MEF2A: variants seen among roughly 807,000 people sequenced by gnomAD.
MEF2A encodes myocyte-specific enhancer factor 2A.
Under a neutral mutation model 55.8 loss-of-function variants are expected in MEF2A, and 28 were observed. The ratio of observed to expected loss-of-function variants is 0.50; its 90% CI spans 0.37 to 0.69. MEF2A has a LOEUF of 0.69. Ranked by LOEUF, MEF2A falls within the 30% of genes least tolerant of loss-of-function variation. MEF2A has a pLI of 0.00. For synonymous variants in MEF2A, 239 were observed against 227.1 expected, an observed-to-expected ratio of 1.05 and a Z score of -0.47; for missense variants, 528 against 626.2, an observed-to-expected ratio of 0.84 and a Z score of 1.67.
intron 1 of MEF2A, among the ~76,000 whole-genome samples, chr15:99,587,902 A>G (rs969787743): frequency 1.3e-5 from 2 of 151,824 alleles, no homozygotes; most frequent in Non-Finnish European, 2.9e-5. Context: ...TTCCTTTCCA[A>G]TCTGGATGCC....
At chr15:99,623,767 T>A (rs1245101256) in intron 2 of MEF2A, among the ~76,000 whole-genome samples, 1 of 152,190 alleles carries the variant, frequency 6.6e-6, no homozygotes, top group Non-Finnish European at 1.5e-5. Flanking sequence ...TTTAAATATA[T>A]TCTGGATATT....
Position 99,590,859 on chromosome 15 carries a change from T to C in MEF2A, c.-224-7571T>C, listed in dbSNP as rs531292548. On this transcript the variant is annotated intron_variant, in intron 1 of 11. Transcript: ENST00000557942. ...TACTTTTGCTTTAGATAATCAAATATCTTCTTAAAACTTAAATGTCTTATA... is the reference window on the plus strand; with the variant it reads ...TACTTTTGCTTTAGATAATCAAATACCTTCTTAAAACTTAAATGTCTTATA... 2.5e-3 allele frequency among the ~76,000 whole-genome samples: 375 copies of C among 152,302 alleles called. 1 individual carries two copies. Among genetic ancestry groups the C allele is most frequent in the African/African-American group, 8.5e-3 (353 of 41,576 alleles).
chr15:99,581,347 C>T (rs1012128491), intron 1 of MEF2A, among the ~76,000 whole-genome samples: 3 of 151,812 alleles, frequency 2.0e-5, no homozygotes, highest in Non-Finnish European at 4.4e-5. Flanking sequence ...ACATGGCTTT[C>T]AAATGTTTAG....
intron 1 of MEF2A, among the ~76,000 whole-genome samples, chr15:99,567,627 C>G (rs2570926): frequency 0.041 from 5,844 of 143,836 alleles, 406 homozygotes; most frequent in African/African-American, 0.14. Context: ...TTTGTATGTA[C>G]TGTGTGTGTG....
chr15:99,582,865 A>G (rs548550211), intron 1 of MEF2A, among the ~76,000 whole-genome samples: 9 of 152,244 alleles, frequency 5.9e-5, no homozygotes, highest in East Asian at 5.8e-4. Context: ...AATTGCCACA[A>G]CTATCCTGGG....
chr15:99,641,644 A>G (rs2044978684), intron 3 of MEF2A, among the ~76,000 whole-genome samples: 1 of 151,906 alleles, frequency 6.6e-6, no homozygotes. Flanking sequence ...AACGGCATGA[A>G]CTCGGGAGGC....
chr15:99,676,460 T>A (rs1023733308), intron 7 of MEF2A, among the ~76,000 whole-genome samples: 3 of 152,034 alleles, frequency 2.0e-5, no homozygotes, highest in Admixed American at 6.5e-5. Flanking sequence ...GAGAGCCTAA[T>A]ATGCTTCTCT....
intron 7 of MEF2A, among the ~76,000 whole-genome samples, chr15:99,681,226 T>C (rs2053188950): frequency 2.0e-5 from 3 of 152,168 alleles, no homozygotes; most frequent in African/African-American, 7.2e-5. Flanking sequence ...TATTTGGGGT[T>C]AAATGAAGGT....
At chr15:99,664,691 G>A (rs1310974918) in intron 4 of MEF2A, among the ~76,000 whole-genome samples, 1 of 152,174 alleles carries the variant, frequency 6.6e-6, no homozygotes, top group Non-Finnish European at 1.5e-5. Context: ...AAGGGAATAA[G>A]GTCGACTAGG....
chr15:99,633,253 T>C, intron 3 of MEF2A, 80 bp downstream of exon 3: 1 of 967,704 alleles, frequency 1.0e-6, no homozygotes, highest in Non-Finnish European at 1.5e-6. Flanking sequence ...GTTGGGTTTT[T>C]CTTAAACTTA....
intron 9 of MEF2A, among the ~76,000 whole-genome samples, chr15:99,704,973 A>AC (rs1693841563): frequency 6.6e-6 from 1 of 152,214 alleles, no homozygotes; most frequent in Non-Finnish European, 1.5e-5. Context: ...ATACCTAAAA[A>AC]CTTATAAACA....
chr15:99,566,403 C>T (rs1198808775), intron 1 of MEF2A: 3 of 13,926 alleles, frequency 2.2e-4, no homozygotes, highest in Admixed American at 1.0e-3. Context: ...GCTAGGCGCC[C>T]GGGGAGGTGG....
At chr15:99,668,398 C>T (rs1003205759) in intron 4 of MEF2A, among the ~76,000 whole-genome samples, 1 of 152,134 alleles carries the variant, frequency 6.6e-6, no homozygotes, top group African/African-American at 2.4e-5. Context: ...GATAAGTCAA[C>T]TTAAATGGGT....
At chr15:99,594,152 G>C (rs1464031310) in intron 1 of MEF2A, among the ~76,000 whole-genome samples, 1 of 152,182 alleles carries the variant, frequency 6.6e-6, no homozygotes, top group Non-Finnish European at 1.5e-5. Context: ...CACTTCAGAT[G>C]CCAACTACAA....
intron 3 of MEF2A, 143 bp downstream of exon 3, chr15:99,633,316 C>G (rs1357739294): frequency 1.8e-6 from 1 of 545,470 alleles, no homozygotes; most frequent in Admixed American, 3.9e-5. Flanking sequence ...TTCTAACAAT[C>G]ATAAAATTGT....
chr15:99,713,319 GAT>G lies in MEF2A; in HGVS notation c.*551_*552del, dbSNP rs1194167589. Reference sequence around the variant, plus strand: ...AAGGGGTGCATGGGAAAGGGCTGTTGATATTAAAAACAAACAAAACAAAAAAG... The same window carrying G: ...AAGGGGTGCATGGGAAAGGGCTGTTGATTAAAAACAAACAAAACAAAAAAG... On this transcript the variant is annotated 3_prime_UTR_variant, in exon 12 of 12. Coordinates refer to ENST00000557942, the MANE Select transcript of MEF2A (RefSeq NM_001319206.4). 3.5e-6 allele frequency: 1 copy of G among 289,790 alleles called. No individual in the cohort carries two copies. Among genetic ancestry groups the G allele is most frequent in the Admixed American group, 5.2e-5 (1 of 19,370 alleles). The allele number at this position is 289,790 out of a possible 1,614,324, so 18.0% of individuals were successfully genotyped here.
chr15:99,697,421 C>G (rs2056650890), intron 8 of MEF2A, among the ~76,000 whole-genome samples: 2 of 150,030 alleles, frequency 1.3e-5, no homozygotes, highest in African/African-American at 2.4e-5. Flanking sequence ...ATATAAAAAT[C>G]GATTATATGC....
intron 7 of MEF2A, among the ~76,000 whole-genome samples, chr15:99,678,361 G>A (rs902793030): frequency 3.3e-5 from 5 of 152,066 alleles, no homozygotes; most frequent in African/African-American, 1.2e-4. Context: ...GTTGTGTACT[G>A]GAAAGGAATG....
intron 1 of MEF2A, among the ~76,000 whole-genome samples, chr15:99,582,292 G>A (rs573400606): frequency 6.6e-6 from 1 of 152,164 alleles, no homozygotes; most frequent in South Asian, 2.1e-4. Context: ...AAGGGAATTG[G>A]TAGGAATACA....
Sources: gnomAD v4.1 joint callset for allele counts (sites outside exome capture counted in the v4.1 genomes callset) on GRCh38, gnomAD v4.1.1 for gene constraint, MANE v1.5 for transcripts, NCBI Gene and HGNC (gene_info 2026-07-23, HGNC 2026-07-21) for gene names.